The following PHF24 variants were observed in gnomAD, a reference collection of about 807,000 sequenced individuals.
PHF24 encodes the protein PHD finger protein 24, also known as Galpha inhibitory interacting protein.
PHF24 carries 25 observed loss-of-function variants against 42.6 expected under a neutral mutation model. The ratio of observed to expected loss-of-function variants is 0.59; its 90% CI spans 0.43 to 0.82. PHF24 has a LOEUF of 0.82. PHF24 is among the 40% of genes least tolerant of loss of function. The pLI is 0.00. For missense variants in PHF24, 470 were observed against 538.1 expected, an observed-to-expected ratio of 0.87 and a Z score of 1.25; for synonymous variants, 185 against 204.8, an observed-to-expected ratio of 0.90 and a Z score of 0.83.
the PHF24 span, among the ~76,000 whole-genome samples, chr9:34,824,360 CAT>C: frequency 6.6e-6 from 1 of 152,222 alleles, no homozygotes; most frequent in Non-Finnish European, 1.5e-5. Context: ...ATATATGACA[CAT>C]ATGTGTGCAA....
the PHF24 span, among the ~76,000 whole-genome samples, chr9:34,784,474 G>A: frequency 6.6e-6 from 1 of 152,188 alleles, no homozygotes; most frequent in East Asian, 1.9e-4. Flanking sequence ...ATTATGTTCA[G>A]CCTCAAACGG....
At chr9:34,813,647 C>T in the PHF24 span, among the ~76,000 whole-genome samples, 5 of 152,222 alleles carry the variant, frequency 3.3e-5, no homozygotes, top group Non-Finnish European at 7.3e-5. Flanking sequence ...TAAAGTCCAC[C>T]TGCAGTTCTT....
chr9:34,685,470 T>G, the PHF24 span, among the ~76,000 whole-genome samples: 4 of 152,184 alleles, frequency 2.6e-5, no homozygotes, highest in African/African-American at 9.7e-5. Flanking sequence ...GTTCAAGTGT[T>G]AGGACCCCAC....
intron 1 of PHF24, among the ~76,000 whole-genome samples, chr9:34,961,489 A>G (rs1021959652): frequency 6.6e-6 from 1 of 152,234 alleles, no homozygotes; most frequent in African/African-American, 2.4e-5. Context: ...CTTGCCAGGC[A>G]CTATGCTAGA....
At chr9:34,856,797 C>T in the PHF24 span, among the ~76,000 whole-genome samples, 111 of 152,348 alleles carry the variant, frequency 7.3e-4, no homozygotes, top group Non-Finnish European at 1.2e-3. Context: ...TCTGGCTGCC[C>T]CTTGGCAGAG....
At chr9:34,854,449 T>C in the PHF24 span, among the ~76,000 whole-genome samples, 3 of 152,180 alleles carry the variant, frequency 2.0e-5, no homozygotes, top group South Asian at 6.2e-4. Flanking sequence ...GCTTTAGCTG[T>C]GTCCCAGAGA....
At chr9:34,919,550 C>G in the PHF24 span, among the ~76,000 whole-genome samples, 1 of 152,134 alleles carries the variant, frequency 6.6e-6, no homozygotes, top group East Asian at 1.9e-4. Flanking sequence ...TTTATCATTT[C>G]TTTGTGTTCC....
chr9:34,898,522 A>C, the PHF24 span, among the ~76,000 whole-genome samples: 4 of 152,226 alleles, frequency 2.6e-5, no homozygotes, highest in African/African-American at 9.6e-5. Context: ...AATTTGAGCT[A>C]TTTCATCATC....
the PHF24 span, among the ~76,000 whole-genome samples, chr9:34,781,869 G>A: frequency 1.2e-4 from 19 of 152,190 alleles, no homozygotes; most frequent in African/African-American, 2.4e-5. Context: ...GCAGTTATCT[G>A]CAAAACTCTG....
the PHF24 span, among the ~76,000 whole-genome samples, chr9:34,846,014 G>A: frequency 6.6e-6 from 1 of 152,046 alleles, no homozygotes; most frequent in East Asian, 1.9e-4. Context: ...GGACATATGG[G>A]TTGGTTCCAA....
At chr9:34,779,764 C>T in the PHF24 span, among the ~76,000 whole-genome samples, 3 of 152,166 alleles carry the variant, frequency 2.0e-5, no homozygotes, top group Non-Finnish European at 2.9e-5. Flanking sequence ...TCACTCTTGT[C>T]GCCCAGGCTG....
the PHF24 span, among the ~76,000 whole-genome samples, chr9:34,853,289 AC>A: frequency 6.6e-6 from 1 of 152,218 alleles, no homozygotes; most frequent in African/African-American, 2.4e-5. Flanking sequence ...TTTTGAACTG[AC>A]CTTGCATCCT....
At chr9:34,815,002 G>C in the PHF24 span, among the ~76,000 whole-genome samples, 78 of 152,304 alleles carry the variant, frequency 5.1e-4, no homozygotes, top group Non-Finnish European at 6.3e-4. Flanking sequence ...AAAGTGCTGG[G>C]ATTATAGGCT....
At chr9:34,937,621 C>A in the PHF24 span, among the ~76,000 whole-genome samples, 1 of 145,438 alleles carries the variant, frequency 6.9e-6, no homozygotes, top group African/African-American at 2.5e-5. Context: ...TCCCCCTCTG[C>A]GAGAAACACC....
the PHF24 span, among the ~76,000 whole-genome samples, chr9:34,919,941 T>A: frequency 6.6e-6 from 1 of 152,324 alleles, no homozygotes; most frequent in Middle Eastern, 3.4e-3. Flanking sequence ...ATTTTCTTTA[T>A]CCATTCATCT....
chr9:34,886,977 A>G, the PHF24 span, among the ~76,000 whole-genome samples: 445 of 152,212 alleles, frequency 2.9e-3, no homozygotes, highest in Non-Finnish European at 5.0e-3. Flanking sequence ...AAACAATACA[A>G]ATGTGAACTC....
At chr9:34,748,878 C>T in the PHF24 span, among the ~76,000 whole-genome samples, 2 of 151,824 alleles carry the variant, frequency 1.3e-5, no homozygotes, top group African/African-American at 4.8e-5. Flanking sequence ...AGGGACCAAT[C>T]CCAGAGAGAA....
the PHF24 span, among the ~76,000 whole-genome samples, chr9:34,732,369 T>C: frequency 1.3e-5 from 2 of 152,202 alleles, no homozygotes; most frequent in Non-Finnish European, 2.9e-5. Flanking sequence ...ATTGAGCACC[T>C]TTTCAGAGAC....
the PHF24 span, among the ~76,000 whole-genome samples, chr9:34,843,049 T>C: frequency 5.3e-5 from 8 of 152,238 alleles, no homozygotes; most frequent in Non-Finnish European, 7.3e-5. Flanking sequence ...TTTCCTATTG[T>C]GTTAATTTTT....
Sources: gnomAD v4.1 joint callset for allele counts (sites outside exome capture counted in the v4.1 genomes callset) on GRCh38, gnomAD v4.1.1 for gene constraint, MANE v1.5 for transcripts, NCBI Gene and HGNC (gene_info 2026-07-23, HGNC 2026-07-21) for gene names.